ABLIM2: variants seen among roughly 807,000 people sequenced by gnomAD.
ABLIM2 encodes actin-binding LIM protein 2.
Under a neutral mutation model 97.7 loss-of-function variants are expected in ABLIM2, and 53 were observed. That is an observed-to-expected ratio of 0.54 (90% CI 0.44 to 0.68). The LOEUF (loss-of-function observed/expected upper bound fraction) is 0.68, where lower values mean the gene tolerates loss of function less well. Ranked by LOEUF, ABLIM2 falls within the 30% of genes least tolerant of loss-of-function variation. ABLIM2 has a pLI of 0.00. For missense variants in ABLIM2, 835 were observed against 867.2 expected, an observed-to-expected ratio of 0.96 and a Z score of 0.47; for synonymous variants, 361 against 345.8, an observed-to-expected ratio of 1.04 and a Z score of -0.49.
chr4:8,129,822 G>T (rs900864330), intron 1 of ABLIM2, among the ~76,000 whole-genome samples: 13 of 152,068 alleles, frequency 8.5e-5, no homozygotes, highest in Admixed American at 7.2e-4. Flanking sequence ...ATGATCACCG[G>T]CCACCCCCTC....
chr4:8,090,609 T>C (rs1826660808), intron 3 of ABLIM2, among the ~76,000 whole-genome samples: 1 of 152,204 alleles, frequency 6.6e-6, no homozygotes, highest in South Asian at 2.1e-4. Context: ...TCTACAATCA[T>C]GCTGCTCACG....
Position 8,120,313 on chromosome 4 carries a change from C to T in ABLIM2, c.11-13676G>A, listed in dbSNP as rs990229550. On this transcript the variant is annotated intron_variant, in intron 1 of 20. Coordinates refer to ENST00000447017, the MANE Select transcript of ABLIM2 (RefSeq NM_001130083.2). This position sits in a 1 kb window ranked among gnomAD's most constrained non-coding sequence, Gnocchi z 5.6. ...CTCGGCAAGTGACTGTGTTCGGAGA[C>T]GGGGCCTTCAAAGGTGTCGTTATGG... 9.2e-5 allele frequency among the ~76,000 whole-genome samples: 14 copies of T among 152,084 alleles called. No individual in the cohort carries two copies. Among genetic ancestry groups the T allele is most frequent in the Admixed American group, 6.5e-4 (10 of 15,272 alleles).
chr4:8,141,026 AG>A (rs2152944767), intron 1 of ABLIM2, among the ~76,000 whole-genome samples: 1 of 152,128 alleles, frequency 6.6e-6, no homozygotes, highest in Non-Finnish European at 1.5e-5. Context: ...CCCTGTCTCC[AG>A]GCCCCTGAGC....
rs1360899945 is a variant in ABLIM2 at position 7,966,299 on chromosome 4, C to G, written c.*691G>C. ...TCATCTCGCGTTTAAGTAGGCTATA[C>G]TTTTTAATAAAATAAAAACTTCTGT... On this transcript the variant is annotated 3_prime_UTR_variant, in exon 21 of 21. Transcript: ENST00000447017. 1.3e-5 allele frequency: 2 copies of G among 152,578 alleles called. No homozygotes were observed. The highest frequency in any genetic ancestry group is 4.1e-4 in the South Asian group (2 of 4,820). 9.5% of individuals were successfully genotyped at this position (152,578 alleles called of 1,614,324 possible).
rs1830871947 is a variant in ABLIM2 at position 8,095,095 on chromosome 4, TTTCTCTTTC to T, written c.338+1995_338+2003del. Among the ~76,000 whole-genome samples the T allele has an allele frequency of 6.6e-6, 1 of 151,532 alleles. No individual in the cohort carries two copies. Among genetic ancestry groups the T allele is most frequent in the African/African-American group, 2.4e-5 (1 of 41,210 alleles). On this transcript the variant is annotated intron_variant, in intron 3 of 20. Transcript: ENST00000447017. This position sits in a 1 kb window ranked among gnomAD's most constrained non-coding sequence, Gnocchi z 4.7. ...CTTTCTCTCTCTCTCTCTTTCTTTC[TTTCTCTTTC>T]CTTTTCTTTCTTTTCTTTCTACAGG...
intron 14 of ABLIM2, among the ~76,000 whole-genome samples, chr4:8,013,996 T>A (rs1045888969): frequency 1.3e-5 from 2 of 152,210 alleles, no homozygotes; most frequent in African/African-American, 2.4e-5. Flanking sequence ...CTTGCCCATG[T>A]CCAGGGGGCC....
chr4:8,062,023 A>G (rs1047614939), intron 6 of ABLIM2, among the ~76,000 whole-genome samples: 2 of 152,146 alleles, frequency 1.3e-5, no homozygotes, highest in Non-Finnish European at 1.5e-5. Context: ...CCTCCGGGCC[A>G]GGTGATAAGG....
intron 14 of ABLIM2, among the ~76,000 whole-genome samples, chr4:8,016,693 G>A (rs955475843): frequency 3.3e-5 from 5 of 152,110 alleles, no homozygotes; most frequent in African/African-American, 9.7e-5. Flanking sequence ...AGACTGTCTC[G>A]AGGACTTTCC....
chr4:8,036,836 C>T (rs184086055), intron 9 of ABLIM2, among the ~76,000 whole-genome samples: 1 of 152,166 alleles, frequency 6.6e-6, no homozygotes, highest in Admixed American at 6.5e-5. Flanking sequence ...CACAGACACG[C>T]ACACATGCAA....
At position 7,970,250 on chromosome 4, in the gene ABLIM2, G is replaced by A. The variant is rs1331184259; in HGVS notation, c.1825-3147C>T. 1.3e-5 allele frequency among the ~76,000 whole-genome samples: 2 copies of A among 152,212 alleles called. No homozygotes were observed. The highest frequency in any genetic ancestry group is 4.8e-5 in the African/African-American group (2 of 41,550). On this transcript the variant is annotated intron_variant, in intron 20 of 20. Coordinates refer to ENST00000447017, the MANE Select transcript of ABLIM2 (RefSeq NM_001130083.2). The surrounding 1 kb of genome is among the most constrained non-coding windows in gnomAD (Gnocchi z 5.3). ...GGCTGACACCGGAAGGGCGAGGAGA[G>A]TTCAGTGCTGGTGCCTGGGGCAGGC...
In ABLIM2 at chr4:8,071,476, C is replaced by T. The variant is rs1392901930; in HGVS notation, c.675+6152G>A. ...ACCAAATGCACATTTCGCGGGCAGG[C>T]GGGCACTGCGGGCGCCAGCACTTAG... On this transcript the variant is annotated intron_variant, in intron 6 of 20. Coordinates refer to ENST00000447017, the MANE Select transcript of ABLIM2 (RefSeq NM_001130083.2). This position sits in a 1 kb window ranked among gnomAD's most constrained non-coding sequence, Gnocchi z 6.2. Among the ~76,000 whole-genome samples the T allele has an allele frequency of 2.0e-5, 3 of 152,316 alleles. No individual in the cohort carries two copies. Among genetic ancestry groups the T allele is most frequent in the South Asian group, 2.1e-4 (1 of 4,828 alleles).
intron 9 of ABLIM2, among the ~76,000 whole-genome samples, chr4:8,037,200 C>G (rs1785013523): frequency 6.6e-6 from 1 of 152,000 alleles, no homozygotes; most frequent in Non-Finnish European, 1.5e-5. Context: ...TATTTTCAAT[C>G]TGAGGTTGGT....
At chr4:8,105,017 A>C (rs1219145157) in intron 2 of ABLIM2, among the ~76,000 whole-genome samples, 1 of 152,034 alleles carries the variant, frequency 6.6e-6, no homozygotes, top group Non-Finnish European at 1.5e-5. Context: ...AGGAGGGAAG[A>C]CCCTGGCCCA....
chr4:8,119,946 G>A (rs2152858738), intron 1 of ABLIM2, among the ~76,000 whole-genome samples: 1 of 152,296 alleles, frequency 6.6e-6, no homozygotes, highest in East Asian at 1.9e-4. Context: ...TCCTGCGGGT[G>A]GAGGTGTCCT....
rs1256240321 is a variant in ABLIM2 at position 8,003,900 on chromosome 4, C to A, written c.1618+4159G>T. 6.6e-6 allele frequency among the ~76,000 whole-genome samples: 1 copy of A among 152,124 alleles called. No homozygotes were observed. The highest frequency in any genetic ancestry group is 1.5e-5 in the Non-Finnish European group (1 of 68,018). On this transcript the variant is annotated intron_variant, in intron 16 of 20. Transcript: ENST00000447017. The surrounding 1 kb of genome is among the most constrained non-coding windows in gnomAD (Gnocchi z 4.2). ...AGTTCTGATGTCTGCATATTCCATACCTAGGGGGTCTCACGTCTCTAAGCC... is the reference window on the plus strand; with the variant it reads ...AGTTCTGATGTCTGCATATTCCATAACTAGGGGGTCTCACGTCTCTAAGCC...
rs893763771 is a variant in ABLIM2 at position 8,095,311 on chromosome 4, G to T, written c.338+1788C>A. On this transcript the variant is annotated intron_variant, in intron 3 of 20. Coordinates refer to ENST00000447017, the MANE Select transcript of ABLIM2 (RefSeq NM_001130083.2). This position sits in a 1 kb window ranked among gnomAD's most constrained non-coding sequence, Gnocchi z 4.7. ...TAGAGACAGGGTCTTGCTATGTCAC[G>T]CAGGCTGATCTTGAACTCCCAGCCT... Among the ~76,000 whole-genome samples the T allele has an allele frequency of 6.6e-6, 1 of 151,946 alleles. No homozygotes were observed. Among genetic ancestry groups the T allele is most frequent in the Non-Finnish European group, 1.5e-5 (1 of 67,986 alleles).
In ABLIM2 at chr4:8,080,873, C is replaced by T; in HGVS notation, c.455-71G>A. The T allele has an allele frequency of 2.0e-6, 3 of 1,525,476 alleles. No individual in the cohort carries two copies. In the South Asian group the frequency reaches 3.9e-5, roughly 20 times the overall value. 94.5% of individuals were successfully genotyped at this position (1,525,476 alleles called of 1,614,324 possible). A position where few individuals can be genotyped will look rare whatever the true frequency, so the allele number is the denominator to read the frequency against. ...GGTGTTGGGGAGGCCTCCTGCTCTC[C>T]ACACTCCGTGAAGGCCCCTGGGGCA... is the stretch of plus-strand genomic sequence containing the variant. On this transcript the variant is annotated intron_variant, in intron 4 of 20. Coordinates refer to ENST00000447017, the MANE Select transcript of ABLIM2 (RefSeq NM_001130083.2).
chr4:8,047,352 C>T (rs1326159417), intron 8 of ABLIM2, among the ~76,000 whole-genome samples: 2 of 129,744 alleles, frequency 1.5e-5, no homozygotes, highest in African/African-American at 5.3e-5. Context: ...CCGCTGCCAC[C>T]GCCTCTTCCT....
At position 8,075,684 on chromosome 4, in the gene ABLIM2, C is replaced by G. The variant is rs1815563018; in HGVS notation, c.675+1944G>C. The stretch of plus-strand genomic sequence containing the variant: ...TCCAGCCTGGGCAACTGAGTGAGAA[C>G]CTCTCCAAAAAAAGAAAAAAAAGAA... On this transcript the variant is annotated intron_variant, in intron 6 of 20. Transcript: ENST00000447017. The surrounding 1 kb of genome is among the most constrained non-coding windows in gnomAD (Gnocchi z 4.4). Among the ~76,000 whole-genome samples the G allele has an allele frequency of 6.6e-6, 1 of 151,932 alleles. No homozygotes were observed. The highest frequency in any genetic ancestry group is 2.1e-4 in the South Asian group (1 of 4,810).
Sources: gnomAD v4.1 joint callset for allele counts (sites outside exome capture counted in the v4.1 genomes callset) on GRCh38, gnomAD v4.1.1 for gene constraint, Gnocchi (gnomAD v3.1) non-coding constraint, MANE v1.5 for transcripts, NCBI Gene and HGNC (gene_info 2026-07-23, HGNC 2026-07-21) for gene names.